The following SMURF2 variants were observed in gnomAD, a reference collection of about 807,000 sequenced individuals.
SMURF2 encodes E3 ubiquitin-protein ligase SMURF2.
SMURF2 carries 48 observed loss-of-function variants against 109.6 expected under a neutral mutation model. The observed-to-expected ratio is 0.44, with a 90% confidence interval of 0.35 to 0.56. The LOEUF is 0.56. Ranked by LOEUF, SMURF2 falls within the 20% of genes least tolerant of loss-of-function variation. The probability of loss-of-function intolerance (pLI) is 0.01; values close to 1 mark genes in which losing one functional copy is unlikely to be tolerated. For missense variants in SMURF2, 575 were observed against 909.0 expected (o/e 0.63, Z 4.72); for synonymous variants, 288 against 317.1 (o/e 0.91, Z 0.97).
chr17:64,642,393 CT>C (rs1970503951), intron 1 of SMURF2, among the ~76,000 whole-genome samples: 1 of 152,146 alleles, frequency 6.6e-6, no homozygotes, highest in Admixed American at 6.5e-5. Context: ...GATAAATATA[CT>C]TATCAGGCCA....
intron 1 of SMURF2, among the ~76,000 whole-genome samples, chr17:64,621,318 G>A (rs1474485800): frequency 3.3e-5 from 5 of 152,224 alleles, no homozygotes; most frequent in African/African-American, 9.6e-5. Context: ...GCTGGCTCAC[G>A]CCTGTAATCC....
intron 1 of SMURF2, among the ~76,000 whole-genome samples, chr17:64,654,552 G>A (rs1225037301): frequency 3.3e-5 from 5 of 152,138 alleles, no homozygotes; most frequent in African/African-American, 1.2e-4. Context: ...GCCATCAGCT[G>A]GGTGCGGTGG....
At chr17:64,605,773 A>ATATC (rs1555688989) in intron 2 of SMURF2, among the ~76,000 whole-genome samples, 4 of 138,546 alleles carry the variant, frequency 2.9e-5, no homozygotes, top group Admixed American at 1.5e-4. Flanking sequence ...ATATATATAT[A>ATATC]TATCTTATTT....
chr17:64,582,909 T>TG (rs1342430610), intron 7 of SMURF2, among the ~76,000 whole-genome samples: 1 of 151,148 alleles, frequency 6.6e-6, no homozygotes, highest in African/African-American at 2.5e-5. Context: ...AATATTTTTT[T>TG]TTTTTTGGGG....
intron 1 of SMURF2, among the ~76,000 whole-genome samples, chr17:64,643,221 C>T (rs1970513477): frequency 6.6e-6 from 1 of 151,942 alleles, no homozygotes; most frequent in South Asian, 2.1e-4. Context: ...CGGAGTTTTG[C>T]CATGTTGTCC....
At position 64,554,939 on chromosome 17, in the gene SMURF2, T is replaced by C. The variant is rs1555683908; in HGVS notation, c.1665A>G (p.Ala555=). 2.5e-6 allele frequency: 4 copies of C among 1,612,918 alleles called. No individual in the cohort carries two copies. Among genetic ancestry groups the C allele is most frequent in the South Asian group, 2.2e-5 (2 of 91,058 alleles). The change falls in exon 15 of 19, where the codon GCA becomes GCG. Residue 555 remains alanine (A), a synonymous_variant. Coordinates refer to ENST00000262435, the MANE Select transcript of SMURF2 (RefSeq NM_022739.4). The part of the protein sequence containing the change: ...LDHTFCVEHN[A]YGEIIQHELK... The stretch of plus-strand genomic sequence containing the variant: ...GTTCATGCTGAATAATTTCACCATA[T>C]GCATTATGTTCAACACAGAAGGTAT...
chr17:64,582,575 C>A (rs1555686669), intron 7 of SMURF2, among the ~76,000 whole-genome samples: 1 of 151,998 alleles, frequency 6.6e-6, no homozygotes, highest in Non-Finnish European at 1.5e-5. Context: ...CAATTTAATT[C>A]ATTCGATTTT....
chr17:64,621,903 A>AATAATAATAAT (rs370703986), intron 1 of SMURF2, among the ~76,000 whole-genome samples: 1 of 141,834 alleles, frequency 7.1e-6, no homozygotes, highest in Admixed American at 7.3e-5. Flanking sequence ...ATAAATAAAT[A>AATAATAATAAT]AATAATAATA....
At chr17:64,566,733 G>A (rs567267641) in intron 10 of SMURF2, among the ~76,000 whole-genome samples, 99 of 145,282 alleles carry the variant, frequency 6.8e-4, no homozygotes, top group African/African-American at 2.4e-3. Flanking sequence ...CACCATGCCC[G>A]GCTAATTTTT....
chr17:64,584,694 A>G (rs1433910610), intron 6 of SMURF2, among the ~76,000 whole-genome samples: 1 of 152,148 alleles, frequency 6.6e-6, no homozygotes, highest in Non-Finnish European at 1.5e-5. Flanking sequence ...ACCATAATTA[A>G]TTTAATGAAA....
chr17:64,546,894 T>TCC (rs147662824), intron 17 of SMURF2, among the ~76,000 whole-genome samples: 17 of 152,168 alleles, frequency 1.1e-4, no homozygotes, highest in African/African-American at 4.1e-4. Context: ...AAGCACGCTC[T>TCC]CCCCCCAGGG....
At chr17:64,601,869 T>C (rs1169656709) in intron 2 of SMURF2, among the ~76,000 whole-genome samples, 1 of 148,638 alleles carries the variant, frequency 6.7e-6, no homozygotes, top group African/African-American at 2.5e-5. Flanking sequence ...TGTGTGTATA[T>C]ATATGTTTAT....
At position 64,583,504 on chromosome 17, in the gene SMURF2, G is replaced by C. The variant is rs933502943; in HGVS notation, c.526C>G (p.Leu176Val). 2.5e-6 allele frequency: 4 copies of C among 1,613,964 alleles called. No individual in the cohort carries two copies. The highest frequency in any genetic ancestry group is 3.4e-6 in the Non-Finnish European group (4 of 1,179,958). The change falls in exon 7 of 19, where the codon CTA becomes GTA. Residue 176 changes from leucine (L) to valine (V), a missense_variant. Around this residue, in one of 5 missense-constraint regions of SMURF2, gnomAD observed 151 missense variants for 178.4 expected, o/e 0.85. Coordinates refer to ENST00000262435, the MANE Select transcript of SMURF2 (RefSeq NM_022739.4). The stretch of plus-strand genomic sequence containing the variant: ...TGCGTAGTTCTTGTTATATGGTTTA[G>C]ATACTGGATTCTTCCAGAGGCGGTT... ...RRTASGRIQY[L>V]NHITRTTQWE...
intron 2 of SMURF2, among the ~76,000 whole-genome samples, chr17:64,599,609 G>C (rs1471587614): frequency 6.6e-6 from 1 of 152,184 alleles, no homozygotes; most frequent in Non-Finnish European, 1.5e-5. Flanking sequence ...TCAGATCAGC[G>C]GCAGCATTAG....
At chr17:64,596,419 C>T (rs1555688105) in intron 3 of SMURF2, among the ~76,000 whole-genome samples, 7 of 151,766 alleles carry the variant, frequency 4.6e-5, no homozygotes, top group Admixed American at 4.6e-4. Context: ...ATGTATTCAA[C>T]ATTTGGAGGT....
intron 12 of SMURF2, among the ~76,000 whole-genome samples, chr17:64,560,043 C>T (rs1358225365): frequency 7.9e-5 from 12 of 151,522 alleles, no homozygotes; most frequent in Admixed American, 7.2e-4. Flanking sequence ...TGAGCCACTG[C>T]ACCTGGCCAA....
chr17:64,545,002 A>C lies in SMURF2; in HGVS notation c.*846T>G, dbSNP rs1325520447. On this transcript the variant is annotated 3_prime_UTR_variant, in exon 19 of 19. Transcript: ENST00000262435. ...ATGCTCTGAGAAGCTATAAAAATGCAGTATTTTAAGATTAAAAGTAAATCC... is the reference window on the plus strand; with the variant it reads ...ATGCTCTGAGAAGCTATAAAAATGCCGTATTTTAAGATTAAAAGTAAATCC... 3.3e-5 allele frequency: 5 copies of C among 152,500 alleles called. No homozygotes were observed. The highest frequency in any genetic ancestry group is 1.2e-4 in the African/African-American group (5 of 41,448). 9.4% of individuals were successfully genotyped at this position (152,500 alleles called of 1,614,324 possible).
chr17:64,611,966 A>G (rs113333486), intron 1 of SMURF2, among the ~76,000 whole-genome samples: 6 of 152,102 alleles, frequency 3.9e-5, no homozygotes, highest in African/African-American at 1.4e-4. Context: ...TCTCTCACCC[A>G]CAGCCTTCAC....
chr17:64,629,271 C>T (rs1032477593), intron 1 of SMURF2, among the ~76,000 whole-genome samples: 8 of 152,250 alleles, frequency 5.3e-5, no homozygotes, highest in South Asian at 4.2e-4. Flanking sequence ...TAGGTCAGGG[C>T]GGGAGGATCC....
Sources: gnomAD v4.1 joint callset for allele counts (sites outside exome capture counted in the v4.1 genomes callset) on GRCh38, gnomAD v4.1.1 for gene constraint, gnomAD v4.1.1 regional missense constraint, MANE v1.5 for transcripts, NCBI Gene and HGNC (gene_info 2026-07-23, HGNC 2026-07-21) for gene names.